The following WNT7A variants were observed in gnomAD, a reference collection of about 807,000 sequenced individuals.
The protein encoded by WNT7A is protein Wnt-7a.
A neutral mutation model predicts 28.2 loss-of-function variants in WNT7A; 16 were observed. The ratio of observed to expected loss-of-function variants is 0.57; its 90% CI spans 0.38 to 0.86. WNT7A has a LOEUF of 0.86. WNT7A is among the 40% of genes least tolerant of loss of function. WNT7A has a pLI of 0.00. For synonymous variants in WNT7A, 190 were observed against 195.9 expected (o/e 0.97, Z 0.25); for missense variants, 411 against 489.7 (o/e 0.84, Z 1.52).
At position 13,819,171 on chromosome 3, in the gene WNT7A, G is replaced by A. The variant is rs942840253; in HGVS notation, c.823C>T (p.Pro275Ser). 6.2e-7 allele frequency: 1 copy of A among 1,614,122 alleles called. No homozygotes were observed. Among genetic ancestry groups the A allele is most frequent in the African/African-American group, 1.3e-5 (1 of 74,938 alleles). The change falls in exon 4 of 4, where the codon CCC (proline) becomes TCC (serine). Residue 275 changes from proline (P) to serine (S), a missense_variant. Transcript: ENST00000285018. ...ACCGGGTCCTCCTCGCAGTAGTTGG[G>A]CGACTTCTCGATGTACACCAGGTCC... ...DTDLVYIEKS[P>S]NYCEEDPVTG...
At chr3:13,823,128 C>A (rs6789214) in intron 3 of WNT7A, among the ~76,000 whole-genome samples, 11,476 of 152,242 alleles carry the variant, frequency 0.075, 762 homozygotes, top group South Asian at 0.23. Flanking sequence ...CAGATGGGCA[C>A]CCAGCCCTCT....
intron 3 of WNT7A, among the ~76,000 whole-genome samples, chr3:13,850,513 G>A (rs1236467521): frequency 6.6e-6 from 1 of 152,166 alleles, no homozygotes; most frequent in Non-Finnish European, 1.5e-5. Flanking sequence ...GGGACTGGGA[G>A]GTGACTTTTC....
chr3:13,818,836 C>T lies in WNT7A; in HGVS notation c.*108G>A. The T allele has an allele frequency of 1.4e-6, 2 of 1,447,736 alleles. No individual in the cohort carries two copies. The highest frequency in any genetic ancestry group is 9.1e-7 in the Non-Finnish European group (1 of 1,099,130). 89.7% of individuals were successfully genotyped at this position (1,447,736 alleles called of 1,614,324 possible). On this transcript the variant is annotated 3_prime_UTR_variant, in exon 4 of 4. Coordinates refer to ENST00000285018, the MANE Select transcript of WNT7A (RefSeq NM_004625.4). ...GGAAACCCAGGAAAAGTACCCTCCTCAGCAGAAAAGACAAGCTCAGCATCC... is the reference window on the plus strand; with the variant it reads ...GGAAACCCAGGAAAAGTACCCTCCTTAGCAGAAAAGACAAGCTCAGCATCC...
intron 3 of WNT7A, among the ~76,000 whole-genome samples, chr3:13,846,601 G>C (rs1159029342): frequency 6.6e-6 from 1 of 152,154 alleles, no homozygotes; most frequent in African/African-American, 2.4e-5. Flanking sequence ...TATTCTCCCA[G>C]CAAATGAAAA....
intron 2 of WNT7A, among the ~76,000 whole-genome samples, chr3:13,870,156 T>C (rs924996355): frequency 6.6e-6 from 1 of 152,202 alleles, no homozygotes; most frequent in Non-Finnish European, 1.5e-5. Flanking sequence ...TGGCCACTCA[T>C]TGCTGTGAAC....
chr3:13,826,618 C>G (rs894140254), intron 3 of WNT7A, among the ~76,000 whole-genome samples: 1 of 152,040 alleles, frequency 6.6e-6, no homozygotes, highest in Admixed American at 6.6e-5. Context: ...TTGGTGCTAC[C>G]GAAATCTGAC....
At chr3:13,837,533 GGTGA>G (rs1004730118) in intron 3 of WNT7A, among the ~76,000 whole-genome samples, 1 of 123,138 alleles carries the variant, frequency 8.1e-6, no homozygotes, top group African/African-American at 3.0e-5. Flanking sequence ...GCATTTTCTG[GGTGA>G]GTGAATGAAT....
intron 2 of WNT7A, among the ~76,000 whole-genome samples, chr3:13,873,740 C>T (rs1695060220): frequency 6.6e-6 from 1 of 152,102 alleles, no homozygotes; most frequent in South Asian, 2.1e-4. Context: ...GGACTTTCGA[C>T]AAGGTCGAAA....
intron 2 of WNT7A, 125 bp downstream of exon 2, chr3:13,874,819 CCTG>C: frequency 1.0e-6 from 1 of 965,950 alleles, no homozygotes; most frequent in Non-Finnish European, 1.6e-6. Context: ...AGTCAATGCA[CCTG>C]CAGGACCCCA....
At chr3:13,844,978 G>A (rs369618466) in intron 3 of WNT7A, among the ~76,000 whole-genome samples, 326 of 152,274 alleles carry the variant, frequency 2.1e-3, no homozygotes, top group African/African-American at 7.4e-3. Context: ...GGACAAAGGC[G>A]GCAATTGTCC....
In WNT7A at chr3:13,868,487, CG is replaced by C. The variant is rs1180351293; in HGVS notation, c.298+6459del. On this transcript the variant is annotated intron_variant, in intron 2 of 3. Transcript: ENST00000285018. ...GAGACCCTGTCAGAAAAGGAAAGAA[CG>C]AAAGAAAGAAAGAAAGAAAGAGAGA... Among the ~76,000 whole-genome samples the C allele has an allele frequency of 7.3e-3, 802 of 109,578 alleles. 6 individuals are homozygous for C. The highest frequency in any genetic ancestry group is 0.01 in the East Asian group (31 of 3,080). The allele number at this position is 109,578 out of a possible 152,430, so 71.9% of individuals were successfully genotyped here.
At chr3:13,854,180 G>C (rs1036635223) in intron 3 of WNT7A, among the ~76,000 whole-genome samples, 5 of 151,990 alleles carry the variant, frequency 3.3e-5, no homozygotes, top group African/African-American at 7.2e-5. Flanking sequence ...GAGGGAAGGA[G>C]GGAGGGAGGG....
At chr3:13,844,500 A>G (rs1220942668) in intron 3 of WNT7A, among the ~76,000 whole-genome samples, 1 of 152,174 alleles carries the variant, frequency 6.6e-6, no homozygotes, top group Non-Finnish European at 1.5e-5. Flanking sequence ...GGAGCCTGGG[A>G]TGCTGCTCAC....
intron 2 of WNT7A, among the ~76,000 whole-genome samples, chr3:13,855,040 G>A (rs889025001): frequency 6.6e-6 from 1 of 152,264 alleles, no homozygotes; most frequent in African/African-American, 2.4e-5. Flanking sequence ...CAGTAAAGGA[G>A]GAAGGTATGT....
intron 2 of WNT7A, among the ~76,000 whole-genome samples, chr3:13,869,048 GAGAA>G (rs1270903577): frequency 1.3e-5 from 2 of 148,616 alleles, no homozygotes; most frequent in South Asian, 2.2e-4. Flanking sequence ...GAGAGAAAGG[GAGAA>G]AGAGAGAGAG....
intron 2 of WNT7A, among the ~76,000 whole-genome samples, chr3:13,872,663 T>C (rs981175880): frequency 6.6e-6 from 1 of 152,166 alleles, no homozygotes; most frequent in Non-Finnish European, 1.5e-5. Context: ...TGCTCCTCCC[T>C]GGTGTGCGCT....
intron 3 of WNT7A, among the ~76,000 whole-genome samples, chr3:13,846,230 G>C (rs985517968): frequency 3.9e-5 from 6 of 152,234 alleles, no homozygotes; most frequent in Non-Finnish European, 5.9e-5. Flanking sequence ...CCTTCTAGGG[G>C]CCGAGGACTG....
intron 3 of WNT7A, among the ~76,000 whole-genome samples, chr3:13,833,553 C>T (rs1694316209): frequency 6.6e-6 from 1 of 152,238 alleles, no homozygotes; most frequent in Non-Finnish European, 1.5e-5. Context: ...CAGTGCAGCA[C>T]CACACAGTGC....
chr3:13,826,860 C>G lies in WNT7A; in HGVS notation c.571-7437G>C, dbSNP rs147722992. On this transcript the variant is annotated intron_variant, in intron 3 of 3. Coordinates refer to ENST00000285018, the MANE Select transcript of WNT7A (RefSeq NM_004625.4). The stretch of plus-strand genomic sequence containing the variant: ...AGGAGGCTACTGAAAAGCCAACACT[C>G]TGGGGCCATATTAACTAAGGCCTAA... Among the ~76,000 whole-genome samples the G allele has an allele frequency of 2.0e-4, 31 of 152,328 alleles. No individual in the cohort carries two copies. The South Asian group carries it at 2.5e-3, about 12-fold the overall frequency.
Sources: gnomAD v4.1 joint callset for allele counts (sites outside exome capture counted in the v4.1 genomes callset) on GRCh38, gnomAD v4.1.1 for gene constraint, MANE v1.5 for transcripts, NCBI Gene and HGNC (gene_info 2026-07-23, HGNC 2026-07-21) for gene names.